LRRC1: variants seen among roughly 807,000 people sequenced by gnomAD.
LRRC1 encodes leucine-rich repeat-containing protein 1.
In LRRC1, 28 loss-of-function variants were observed where a neutral mutation model predicts 69.9. The ratio of observed to expected loss-of-function variants is 0.40; its 90% CI spans 0.30 to 0.55. The LOEUF (loss-of-function observed/expected upper bound fraction) is 0.55. LRRC1 is among the 20% of genes least tolerant of loss of function. The probability of loss-of-function intolerance (pLI) is 0.47; values close to 1 mark genes in which losing one functional copy is unlikely to be tolerated. For missense variants in LRRC1, 498 were observed against 609.0 expected, an observed-to-expected ratio of 0.82 and a Z score of 1.92; for synonymous variants, 236 against 240.2, an observed-to-expected ratio of 0.98 and a Z score of 0.16.
At chr6:53,853,825 G>A (rs780364985) in intron 2 of LRRC1, among the ~76,000 whole-genome samples, 2 of 152,178 alleles carry the variant, frequency 1.3e-5, no homozygotes, top group African/African-American at 2.4e-5. Flanking sequence ...TTGGAAGCAG[G>A]TGTAGCTTTC....
At chr6:53,810,509 A>T (rs1258102823) in intron 1 of LRRC1, among the ~76,000 whole-genome samples, 1 of 151,992 alleles carries the variant, frequency 6.6e-6, no homozygotes, top group African/African-American at 2.4e-5. Context: ...AGTCCCAGCT[A>T]CTTGGGAGGC....
intron 6 of LRRC1, 128 bp from the exon 7 acceptor site, chr6:53,897,157 A>G: frequency 1.5e-6 from 1 of 671,284 alleles, no homozygotes; most frequent in Non-Finnish European, 2.5e-6. Context: ...GCTGGATGTT[A>G]AGAGAAGTAC....
chr6:53,918,728 A>G (rs1768646262), intron 11 of LRRC1, among the ~76,000 whole-genome samples: 1 of 152,246 alleles, frequency 6.6e-6, no homozygotes, highest in African/African-American at 2.4e-5. Flanking sequence ...GATTCTACTG[A>G]TTGCAGCCAA....
At chr6:53,872,559 A>G (rs1335529673) in intron 2 of LRRC1, among the ~76,000 whole-genome samples, 1 of 151,966 alleles carries the variant, frequency 6.6e-6, no homozygotes. Flanking sequence ...GAAGTCAGGT[A>G]GTATGTTGCT....
chr6:53,880,417 C>T (rs1278500050), intron 3 of LRRC1, among the ~76,000 whole-genome samples: 7 of 152,154 alleles, frequency 4.6e-5, no homozygotes, highest in African/African-American at 1.4e-4. Context: ...AAGATAAAGT[C>T]AGAGCTCCTC....
At position 53,814,137 on chromosome 6, in the gene LRRC1, G is replaced by A. The variant is rs183523059; in HGVS notation, c.159+18722G>A. Among the ~76,000 whole-genome samples the A allele has an allele frequency of 3.5e-3, 528 of 152,106 alleles. 2 individuals carry two copies. The highest frequency in any genetic ancestry group is 0.012 in the African/African-American group (486 of 41,456). Reference sequence around the variant, plus strand: ...CTCTAACTCCAACTCATCTTTCATAGGATTCAGCTCAATTTACTTGGCTAA... The same window carrying A: ...CTCTAACTCCAACTCATCTTTCATAAGATTCAGCTCAATTTACTTGGCTAA... On this transcript the variant is annotated intron_variant, in intron 1 of 13. Coordinates refer to ENST00000370888, the MANE Select transcript of LRRC1 (RefSeq NM_018214.5).
In LRRC1 at chr6:53,820,209, A is replaced by G. The variant is rs369261352; in HGVS notation, c.160-21901A>G. On this transcript the variant is annotated intron_variant, in intron 1 of 13. Coordinates refer to ENST00000370888, the MANE Select transcript of LRRC1 (RefSeq NM_018214.5). ...CAGGAACCCTGAAAATGAAATAAACATGTCCATCCAATGGAAAGAAAATAA... is the reference window on the plus strand; with the variant it reads ...CAGGAACCCTGAAAATGAAATAAACGTGTCCATCCAATGGAAAGAAAATAA... 3.3e-5 allele frequency among the ~76,000 whole-genome samples: 5 copies of G among 152,022 alleles called. No individual in the cohort carries two copies. In the East Asian group the frequency reaches 5.8e-4, roughly 18 times the overall value.
intron 2 of LRRC1, among the ~76,000 whole-genome samples, chr6:53,862,562 A>G (rs558891573): frequency 1.3e-5 from 2 of 152,300 alleles, no homozygotes; most frequent in East Asian, 3.9e-4. Context: ...TTGTGGCTTT[A>G]GGTGAAAACC....
At chr6:53,850,539 T>A (rs1766091788) in intron 2 of LRRC1, among the ~76,000 whole-genome samples, 1 of 152,220 alleles carries the variant, frequency 6.6e-6, no homozygotes, top group Non-Finnish European at 1.5e-5. Flanking sequence ...AAGAACATAA[T>A]AACTAAAACT....
rs182968269 is a variant in LRRC1 at position 53,845,232 on chromosome 6, G to A, written c.277+3005G>A. ...CAAACAAAAGAAAGAACGAATCTGT[G>A]CAGGTGACAGAGCAGAAGAACAAGG... On this transcript the variant is annotated intron_variant, in intron 2 of 13. Coordinates refer to ENST00000370888, the MANE Select transcript of LRRC1 (RefSeq NM_018214.5). Among the ~76,000 whole-genome samples the A allele has an allele frequency of 4.1e-4, 63 of 152,218 alleles. 1 individual carries two copies. The highest frequency in any genetic ancestry group is 1.1e-3 in the Admixed American group (17 of 15,296).
chr6:53,855,354 G>A (rs1047495860), intron 2 of LRRC1, among the ~76,000 whole-genome samples: 2 of 152,170 alleles, frequency 1.3e-5, no homozygotes, highest in Non-Finnish European at 2.9e-5. Flanking sequence ...ATGAGTGCTG[G>A]GTTAAGATGA....
At chr6:53,830,542 G>A (rs907194810) in intron 1 of LRRC1, among the ~76,000 whole-genome samples, 1 of 152,164 alleles carries the variant, frequency 6.6e-6, no homozygotes, top group Non-Finnish European at 1.5e-5. Context: ...TTTCGTGTTT[G>A]CATAACTGTT....
intron 4 of LRRC1, 119 bp downstream of exon 4, chr6:53,883,095 T>C (rs1767354568): frequency 1.6e-6 from 1 of 632,194 alleles, no homozygotes; most frequent in Non-Finnish European, 2.7e-6. Context: ...TTACTCATTC[T>C]TTAATGTGAC....
intron 11 of LRRC1, 120 bp from the exon 12 acceptor site, chr6:53,919,378 T>G: frequency 1.2e-6 from 1 of 831,256 alleles, no homozygotes; most frequent in South Asian, 2.2e-5. Context: ...CGTTTTTACA[T>G]TTTGAAACCA....
At position 53,917,790 on chromosome 6, in the gene LRRC1, C is replaced by T. The variant is rs147398738; in HGVS notation, c.1107-1708C>T. 1.3e-3 allele frequency among the ~76,000 whole-genome samples: 193 copies of T among 152,304 alleles called. 1 individual carries two copies. Among genetic ancestry groups the T allele is most frequent in the African/African-American group, 4.4e-3 (183 of 41,576 alleles). On this transcript the variant is annotated intron_variant, in intron 11 of 13. Coordinates refer to ENST00000370888, the MANE Select transcript of LRRC1 (RefSeq NM_018214.5). Reference sequence around the variant, plus strand: ...TAGGAGAAAAATTTAAAAGAAATTACATTTGTGTTCAATAAAATGAAAAAG... The same window carrying T: ...TAGGAGAAAAATTTAAAAGAAATTATATTTGTGTTCAATAAAATGAAAAAG...
intron 1 of LRRC1, among the ~76,000 whole-genome samples, chr6:53,841,545 T>C (rs181235851): frequency 6.6e-6 from 1 of 152,330 alleles, no homozygotes; most frequent in Admixed American, 6.5e-5. Context: ...AATACAGTTT[T>C]TAAAAAGTAT....
rs6914534 is a variant in LRRC1, at chr6:53,813,550, C to G, written c.159+18135C>G. Among the ~76,000 whole-genome samples the G allele has an allele frequency of 3.9e-3, 519 of 133,562 alleles. 11 individuals carry two copies. Among genetic ancestry groups the G allele is most frequent in the African/African-American group, 0.015 (502 of 34,010 alleles). The allele number at this position is 133,562 out of a possible 152,430, so 87.6% of individuals were successfully genotyped here. ...CTGGCTCAGTGGTTTTTTTTTTTTT[C>G]TTTTTTTTTCTGGAAATCAGTTTTT... On this transcript the variant is annotated intron_variant, in intron 1 of 13. Transcript: ENST00000370888.
intron 1 of LRRC1, among the ~76,000 whole-genome samples, chr6:53,808,313 G>A (rs999168606): frequency 6.6e-6 from 1 of 151,808 alleles, no homozygotes; most frequent in Admixed American, 6.6e-5. Context: ...TGGGGAGGGG[G>A]TAGCAGAATT....
At chr6:53,831,872 A>C (rs1765437415) in intron 1 of LRRC1, among the ~76,000 whole-genome samples, 1 of 152,198 alleles carries the variant, frequency 6.6e-6, no homozygotes, top group Non-Finnish European at 1.5e-5. Context: ...GGAGATTAAA[A>C]ACATTAACTA....
Sources: allele counts gnomAD v4.1 joint callset (sites outside exome capture counted in the v4.1 genomes callset), GRCh38; gene constraint gnomAD v4.1.1; transcripts MANE v1.5; gene names NCBI Gene and HGNC (gene_info 2026-07-23, HGNC 2026-07-21).